CARD14: variants seen among roughly 807,000 people sequenced by gnomAD.
CARD14 encodes the protein caspase recruitment domain-containing protein 14.
In CARD14, 107 loss-of-function variants were observed where a neutral mutation model predicts 111.5. That is an observed-to-expected ratio of 0.96 (90% confidence interval 0.82 to 1.13). The LOEUF (loss-of-function observed/expected upper bound fraction) is 1.13, where lower values mean the gene tolerates loss of function less well. CARD14 is among the 50% of genes most tolerant of loss of function. CARD14 has a pLI of 0.00. For missense variants in CARD14, 1,322 were observed against 1,362.3 expected (o/e 0.97, Z 0.47); for synonymous variants, 617 against 579.6 (o/e 1.06, Z -0.93).
Position 80,198,348 on chromosome 17 carries a change from C to A in CARD14, c.1659-51C>A, listed in dbSNP as rs749671516. ...GGAAGCAATGGGGAGGTGGCCTTGC[C>A]GGCTCTCCTGCTCTGGGCAGTGCAC... On this transcript the variant is annotated intron_variant, in intron 15 of 23. Transcript: ENST00000648509. This position sits in a 1 kb window ranked among gnomAD's most constrained non-coding sequence, Gnocchi z 7.5. The A allele has an allele frequency of 4.0e-5, 63 of 1,561,562 alleles. No homozygotes were observed. The highest frequency in any genetic ancestry group is 1.8e-4 in the Middle Eastern group (1 of 5,622).
chr17:80,176,283 C>CA (rs1439688422), intron 2 of CARD14, among the ~76,000 whole-genome samples: 3 of 149,862 alleles, frequency 2.0e-5, no homozygotes, highest in African/African-American at 2.5e-5. Flanking sequence ...ACAACAACAA[C>CA]AAAAAAAATG....
At chr17:80,206,018 C>CTGCAT (rs2041281648) in intron 22 of CARD14, 2 of 182,332 alleles carry the variant, frequency 1.1e-5, no homozygotes, top group Non-Finnish European at 2.3e-5. Flanking sequence ...GCACGGGAAG[C>CTGCAT]CGAGTCTGGC....
intron 2 of CARD14, among the ~76,000 whole-genome samples, chr17:80,175,865 C>T (rs1223791969): frequency 3.3e-5 from 5 of 150,182 alleles, no homozygotes; most frequent in Non-Finnish European, 7.4e-5. Context: ...CTGCAGGGAC[C>T]TCCTCAGCCC....
intron 9 of CARD14, among the ~76,000 whole-genome samples, chr17:80,190,399 G>C (rs1232076053): frequency 1.3e-5 from 2 of 152,102 alleles, no homozygotes; most frequent in East Asian, 3.9e-4. Flanking sequence ...GATCACTTGA[G>C]GTCAGGAGTT....
At chr17:80,202,149 C>A in intron 17 of CARD14, 31 bp from the exon 18 acceptor site, 1 of 1,573,268 alleles carries the variant, frequency 6.4e-7, no homozygotes, top group Non-Finnish European at 8.7e-7. Context: ...GTATCTGTGG[C>A]TCATCTGTGG....
chr17:80,207,558 AAAC>A (rs988910535), intron 23 of CARD14: 31 of 156,066 alleles, frequency 2.0e-4, no homozygotes, highest in East Asian at 1.5e-3. Context: ...CAACAAAACA[AAAC>A]AACAACAACA....
In CARD14 at chr17:80,204,231, C is replaced by T; in HGVS notation, c.2288C>T (p.Ser763Phe). The T allele has an allele frequency of 6.3e-7, 1 of 1,588,394 alleles. No homozygotes were observed. The highest frequency in any genetic ancestry group is 1.1e-5 in the South Asian group (1 of 89,450). ...CTTTCTCTGTCCCTCCTTTAGCCAT[C>T]TTCTGGGGGACCACAGAAGCTGGTC... ...TQQCTVTRKP[S>F]SGGPQKLVRI... The change falls in exon 20 of 24, where the codon TCT becomes TTT. Residue 763 changes from serine to phenylalanine, a missense_variant. Transcript: ENST00000648509.
chr17:80,208,425 T>A lies in CARD14; in HGVS notation c.*80T>A. The A allele has an allele frequency of 1.5e-6, 2 of 1,316,856 alleles. No individual in the cohort carries two copies. The highest frequency in any genetic ancestry group is 1.0e-6 in the Non-Finnish European group (1 of 972,296). The allele number at this position is 1,316,856 out of a possible 1,614,324, so 81.6% of individuals were successfully genotyped here. On this transcript the variant is annotated 3_prime_UTR_variant, in exon 24 of 24. Transcript: ENST00000648509. ...TCCTGTTCCTCAGCCCAGGCCCTCTTGGCACAGCTGTGGGCTCCTTGGCAC... is the reference window on the plus strand; with the variant it reads ...TCCTGTTCCTCAGCCCAGGCCCTCTAGGCACAGCTGTGGGCTCCTTGGCAC...
intron 18 of CARD14, chr17:80,202,758 G>A (rs954323831): frequency 7.7e-6 from 3 of 390,034 alleles, no homozygotes; most frequent in African/African-American, 2.1e-5. Context: ...ATCCCTGGCC[G>A]CCCTACCCAG....
rs772290185 is a variant in CARD14, at chr17:80,192,648, T to C, written c.1356+29T>C. ...CGGCCGCTCCTCCCGCCTCCCTCACTGCCTTGACCCTCTGGGCCAGCCCAG... is the reference window on the plus strand; with the variant it reads ...CGGCCGCTCCTCCCGCCTCCCTCACCGCCTTGACCCTCTGGGCCAGCCCAG... On this transcript the variant is annotated intron_variant, in intron 12 of 23. Coordinates refer to ENST00000648509, the MANE Select transcript of CARD14 (RefSeq NM_001366385.1). The C allele has an allele frequency of 9.0e-6, 14 of 1,559,730 alleles. No homozygotes were observed. The South Asian group carries it at 1.6e-4, about 18-fold the overall frequency.
chr17:80,184,053 G>C lies in CARD14; in HGVS notation c.490G>C (p.Glu164Gln). 1 of 1,587,348 alleles carries C rather than the reference G, an allele frequency of 6.3e-7. No homozygotes were observed. The highest frequency in any genetic ancestry group is 8.6e-7 in the Non-Finnish European group (1 of 1,167,446). The stretch of plus-strand genomic sequence containing the variant: ...GCTGCAGGAGCACCTGGGCCTGGCC[G>C]AGACCCGTGCCGAGGGCCTGCACCA... ...QQLQEHLGLA[E>Q]TRAEGLHQLE... Residue 164 changes from glutamate to glutamine, a missense_variant, in exon 7 of 24, where the codon GAG becomes CAG. Coordinates refer to ENST00000648509, the MANE Select transcript of CARD14 (RefSeq NM_001366385.1).
rs748383183 is a variant in CARD14 at position 80,189,185 on chromosome 17, C to T, written c.844-568C>T. On this transcript the variant is annotated intron_variant, in intron 8 of 23. Transcript: ENST00000648509. The surrounding 1 kb of genome is among the most constrained non-coding windows in gnomAD (Gnocchi z 4.7). ...TCGCGTTAAGGATGGGGGAAAGAAA[C>T]CTTTCTGCCTGGAAAGACTCCGCCC... is the stretch of plus-strand genomic sequence containing the variant. Among the ~76,000 whole-genome samples the T allele has an allele frequency of 3.5e-4, 53 of 152,164 alleles. No homozygotes were observed. The highest frequency in any genetic ancestry group is 3.1e-4 in the Non-Finnish European group (21 of 68,042).
rs1158816255 is a variant in CARD14 at position 80,188,110 on chromosome 17, C to G, written c.676-267C>G. ...GAGTTGGTTATCAAGGCCTCTTGGT[C>G]TATTCCTGGGACCCTAACCCTGGAT... On this transcript the variant is annotated intron_variant, in intron 7 of 23. Coordinates refer to ENST00000648509, the MANE Select transcript of CARD14 (RefSeq NM_001366385.1). This position sits in a 1 kb window ranked among gnomAD's most constrained non-coding sequence, Gnocchi z 4.5. The G allele has an allele frequency of 8.0e-6, 4 of 502,308 alleles. No homozygotes were observed. The African/African-American group carries it at 8.1e-5, about 10-fold the overall frequency. The allele number at this position is 502,308 out of a possible 1,614,324, so 31.1% of individuals were successfully genotyped here.
intron 2 of CARD14, among the ~76,000 whole-genome samples, chr17:80,173,434 A>C (rs1040791540): frequency 6.6e-6 from 1 of 152,178 alleles, no homozygotes; most frequent in African/African-American, 2.4e-5. Context: ...ACACCATTTT[A>C]TAAAAATGGT....
At chr17:80,190,411 C>T (rs964342523) in intron 9 of CARD14, among the ~76,000 whole-genome samples, 4 of 151,948 alleles carry the variant, frequency 2.6e-5, no homozygotes, top group Non-Finnish European at 5.9e-5. Flanking sequence ...TCAGGAGTTC[C>T]AGACCAGCCT....
At position 80,198,338 on chromosome 17, in the gene CARD14, G is replaced by T. The variant is rs1567891176; in HGVS notation, c.1659-61G>T. 1 of 1,561,390 alleles carries T rather than the reference G, an allele frequency of 6.4e-7. No homozygotes were observed. ...GGGGCCAGAGGGAAGCAATGGGGAG[G>T]TGGCCTTGCCGGCTCTCCTGCTCTG... is the stretch of plus-strand genomic sequence containing the variant. On this transcript the variant is annotated intron_variant, in intron 15 of 23. Coordinates refer to ENST00000648509, the MANE Select transcript of CARD14 (RefSeq NM_001366385.1). This position sits in a 1 kb window ranked among gnomAD's most constrained non-coding sequence, Gnocchi z 7.5.
rs142895605 is a variant in CARD14 at position 80,192,551 on chromosome 17, C to T, written c.1288C>T (p.Arg430Trp). ...GGAGCCCTGTCCACGGGAGAAGCAGCGGCTGGTGCGGATGCATGCCATCTG... is the reference window on the plus strand; with the variant it reads ...GGAGCCCTGTCCACGGGAGAAGCAGTGGCTGGTGCGGATGCATGCCATCTG... ...TREPCPREKQ[R>W]LVRMHAICPR... The change falls in exon 12 of 24, where the codon CGG becomes TGG. Residue 430 changes from arginine to tryptophan, a missense_variant. Physicochemically the swap from Arg to Trp is moderately radical, Grantham distance 101. Coordinates refer to ENST00000648509, the MANE Select transcript of CARD14 (RefSeq NM_001366385.1). 49 of 1,613,356 alleles carry T rather than the reference C, an allele frequency of 3.0e-5. No homozygotes were observed. The highest frequency in any genetic ancestry group is 2.0e-4 in the Admixed American group (12 of 59,994).
Position 80,201,931 on chromosome 17 carries a change from C to A in CARD14, c.1978+61C>A. ...TGGCCAGACTCCATGACCCTTAAGTCCCTGGTGGTTCTTCTGCACGCCCAG... is the reference window on the plus strand; with the variant it reads ...TGGCCAGACTCCATGACCCTTAAGTACCTGGTGGTTCTTCTGCACGCCCAG... On this transcript the variant is annotated intron_variant, in intron 17 of 23. Coordinates refer to ENST00000648509, the MANE Select transcript of CARD14 (RefSeq NM_001366385.1). The surrounding 1 kb of genome is among the most constrained non-coding windows in gnomAD (Gnocchi z 5.0). The A allele has an allele frequency of 6.5e-7, 1 of 1,537,246 alleles. No individual in the cohort carries two copies. Among genetic ancestry groups the A allele is most frequent in the African/African-American group, 1.4e-5 (1 of 72,728 alleles).
At chr17:80,206,508 C>G (rs2041319271) in intron 22 of CARD14, among the ~76,000 whole-genome samples, 1 of 151,856 alleles carries the variant, frequency 6.6e-6, no homozygotes, top group South Asian at 2.1e-4. Flanking sequence ...GCTCACGCCT[C>G]TAATCCCAGC....
Sources: gnomAD v4.1 joint callset for allele counts (sites outside exome capture counted in the v4.1 genomes callset) on GRCh38, gnomAD v4.1.1 for gene constraint, Gnocchi (gnomAD v3.1) non-coding constraint, MANE v1.5 for transcripts, NCBI Gene and HGNC (gene_info 2026-07-23, HGNC 2026-07-21) for gene names.